TBKBP1: variants seen among roughly 807,000 people sequenced by gnomAD.
TBKBP1 encodes the protein TBK1 binding protein 1, also known as TANK-binding kinase 1-binding protein 1.
TBKBP1 carries 47 observed loss-of-function variants against 69.9 expected under a neutral mutation model. The ratio of observed to expected loss-of-function variants is 0.67; its 90% confidence interval spans 0.53 to 0.86. The LOEUF (loss-of-function observed/expected upper bound fraction) is 0.86, where lower values mean the gene tolerates loss of function less well. Among genes scored for constraint, TBKBP1 ranks in the 40% least tolerant of loss-of-function variants. The pLI, the probability that TBKBP1 is intolerant of heterozygous loss-of-function variation, is 0.00. For missense variants in TBKBP1, 831 were observed against 858.6 expected, an observed-to-expected ratio of 0.97 and a Z score of 0.40; for synonymous variants, 418 against 390.3, an observed-to-expected ratio of 1.07 and a Z score of -0.84.
intron 7 of TBKBP1, among the ~76,000 whole-genome samples, chr17:47,707,982 G>T (rs527392012): frequency 2.0e-5 from 3 of 152,202 alleles, no homozygotes; most frequent in Non-Finnish European, 4.4e-5. Flanking sequence ...TATAAATTCA[G>T]TACAGCTTTT....
chr17:47,704,398 A>T (rs762773367), intron 7 of TBKBP1, among the ~76,000 whole-genome samples: 4 of 152,236 alleles, frequency 2.6e-5, no homozygotes, highest in Admixed American at 2.6e-4. Flanking sequence ...AGTCCGTTCC[A>T]CGGCCCGGTG....
chr17:47,705,013 G>C (rs572109993), intron 7 of TBKBP1, among the ~76,000 whole-genome samples: 1 of 152,180 alleles, frequency 6.6e-6, no homozygotes, highest in South Asian at 2.1e-4. Flanking sequence ...CCTTGAGCCA[G>C]CCTCTTAATC....
At chr17:47,703,662 A>G (rs1311227978) in intron 7 of TBKBP1, among the ~76,000 whole-genome samples, 1 of 151,810 alleles carries the variant, frequency 6.6e-6, no homozygotes, top group East Asian at 1.9e-4. Flanking sequence ...AACCGAAGCC[A>G]CTAGGCTGCT....
At chr17:47,701,487 G>T (rs2031502373) in intron 7 of TBKBP1, among the ~76,000 whole-genome samples, 1 of 152,172 alleles carries the variant, frequency 6.6e-6, no homozygotes, top group Non-Finnish European at 1.5e-5. Flanking sequence ...GACCAGCAGT[G>T]AATCTCCCTG....
At chr17:47,707,594 A>G (rs1014161920) in intron 7 of TBKBP1, among the ~76,000 whole-genome samples, 1 of 152,216 alleles carries the variant, frequency 6.6e-6, no homozygotes. Flanking sequence ...AGCCTTTGAG[A>G]AGTGCCTGGT....
At chr17:47,705,081 G>C (rs2031651477) in intron 7 of TBKBP1, among the ~76,000 whole-genome samples, 1 of 152,130 alleles carries the variant, frequency 6.6e-6, no homozygotes, top group Non-Finnish European at 1.5e-5. Context: ...CCAGGGAAGG[G>C]GTGGTGATTC....
intron 5 of TBKBP1, 43 bp downstream of exon 5, chr17:47,698,818 C>A (rs2031364371): frequency 1.4e-6 from 2 of 1,477,502 alleles, no homozygotes. Context: ...GTCCCCAACC[C>A]CCATTTCAAC....
intron 7 of TBKBP1, among the ~76,000 whole-genome samples, chr17:47,705,819 G>A (rs546407300): frequency 2.0e-5 from 3 of 152,352 alleles, no homozygotes; most frequent in Non-Finnish European, 2.9e-5. Flanking sequence ...ATCAGGAGGA[G>A]GTCAAGTCAA....
chr17:47,702,148 C>G (rs1328044220), intron 7 of TBKBP1, among the ~76,000 whole-genome samples: 2 of 152,228 alleles, frequency 1.3e-5, no homozygotes, highest in Admixed American at 1.3e-4. Context: ...GCTCCCTCCC[C>G]TGTCCTTCCA....
Position 47,708,435 on chromosome 17 carries a change from T to TG in TBKBP1, c.917dup (p.Arg307ProfsTer158), listed in dbSNP as rs1256752676. 1 of 1,613,766 alleles carries TG rather than the reference T, an allele frequency of 6.2e-7. No homozygotes were observed. The highest frequency in any genetic ancestry group is 8.5e-7 in the Non-Finnish European group (1 of 1,179,828). ...GCCTACACCGAGCTGACGGAGGAGC[T>TG]GGGCCGGCTTCGGGAGTTGAGTTCC... On this transcript the variant is annotated frameshift_variant, in exon 8 of 10. Coordinates refer to ENST00000578982, the MANE Select transcript of TBKBP1 (RefSeq NM_001394755.1). LOFTEE classifies it high-confidence loss of function. The surrounding 1 kb of genome is among the most constrained non-coding windows in gnomAD (Gnocchi z 4.4).
At position 47,709,074 on chromosome 17, in the gene TBKBP1, G is replaced by T; in HGVS notation, c.1341G>T (p.Pro447=). 7.4e-7 allele frequency: 1 copy of T among 1,350,840 alleles called. No individual in the cohort carries two copies. Among genetic ancestry groups the T allele is most frequent in the African/African-American group, 1.6e-5 (1 of 64,250 alleles). 83.7% of individuals were successfully genotyped at this position (1,350,840 alleles called of 1,614,324 possible). A position where few individuals can be genotyped will look rare whatever the true frequency, so the allele number is the denominator to read the frequency against. ...TGGCCGAGCGCGCCTACGCCAAGCC[G>T]CCCAGCCACCACGTGAAGGCCGGCT... ...RTLAERAYAK[P]PSHHVKAGFQ... Residue 447 remains proline, a synonymous_variant, in exon 9 of 10, where the codon CCG becomes CCT. Transcript: ENST00000578982.
At chr17:47,703,549 G>A (rs946402462) in intron 7 of TBKBP1, among the ~76,000 whole-genome samples, 1 of 152,220 alleles carries the variant, frequency 6.6e-6, no homozygotes, top group African/African-American at 2.4e-5. Flanking sequence ...GGGATGTGTG[G>A]GCTTTCAGCC....
rs1197297608 is a variant in TBKBP1 at position 47,697,200 on chromosome 17, C to T, written c.453+7C>T. 8.7e-6 allele frequency: 14 copies of T among 1,609,916 alleles called. No individual in the cohort carries two copies. In the East Asian group the frequency reaches 2.5e-4, roughly 28 times the overall value. ...GACAGAGCTGAGGGAGATGGTGAGG[C>T]CTGGGGAGCCGGAGGTGCTTGAGGA... On this transcript the variant is annotated splice_region_variant and intron_variant, in intron 4 of 9. Transcript: ENST00000578982.
At chr17:47,695,861 G>A (rs955480938) in intron 1 of TBKBP1, 1 of 426,278 alleles carries the variant, frequency 2.3e-6, no homozygotes, top group Non-Finnish European at 4.2e-6. Context: ...CCCTGGCAGC[G>A]GGGTCTTCAC....
chr17:47,698,815 A>G (rs763347806), intron 5 of TBKBP1, 40 bp downstream of exon 5: 31 of 1,485,218 alleles, frequency 2.1e-5, no homozygotes, highest in Non-Finnish European at 2.8e-5. Context: ...CTAGTCCCCA[A>G]CCCCCATTTC....
rs770948774 is a variant in TBKBP1 at position 47,710,635 on chromosome 17, C to A, written c.*9C>A. ...AGAACAGCAAGATCTAGGGCACCAG[C>A]CCCACCCACTGGCTGTTTCTCCGTC... On this transcript the variant is annotated 3_prime_UTR_variant, in exon 10 of 10. Coordinates refer to ENST00000578982, the MANE Select transcript of TBKBP1 (RefSeq NM_001394755.1). 6.3e-7 allele frequency: 1 copy of A among 1,591,848 alleles called. No homozygotes were observed. Among genetic ancestry groups the A allele is most frequent in the Non-Finnish European group, 8.6e-7 (1 of 1,162,038 alleles).
intron 9 of TBKBP1, 125 bp from the exon 10 acceptor site, chr17:47,710,373 G>C: frequency 7.7e-7 from 1 of 1,302,078 alleles, no homozygotes; most frequent in Non-Finnish European, 1.0e-6. Context: ...CTGAAGAAAG[G>C]GTGGCTGGAC....
intron 3 of TBKBP1, 41 bp from the exon 4 acceptor site, chr17:47,697,048 T>C: frequency 6.3e-7 from 1 of 1,578,998 alleles, no homozygotes; most frequent in African/African-American, 1.3e-5. Context: ...AAGTCCAGTG[T>C]GGGACTGACC....
chr17:47,708,216 G>T lies in TBKBP1; in HGVS notation c.873-178G>T, dbSNP rs1027802396. Among the ~76,000 whole-genome samples the T allele has an allele frequency of 2.0e-5, 3 of 152,208 alleles. No individual in the cohort carries two copies. The highest frequency in any genetic ancestry group is 7.2e-5 in the African/African-American group (3 of 41,440). ...TGCAGAGGGAGTCTCCCTGGAAGAG[G>T]TGGCTTTTGAGCTGGACCTTAAAGG... is the stretch of plus-strand genomic sequence containing the variant. On this transcript the variant is annotated intron_variant, in intron 7 of 9. Coordinates refer to ENST00000578982, the MANE Select transcript of TBKBP1 (RefSeq NM_001394755.1). This position sits in a 1 kb window ranked among gnomAD's most constrained non-coding sequence, Gnocchi z 4.4.
Sources: gnomAD v4.1 joint callset for allele counts (sites outside exome capture counted in the v4.1 genomes callset) on GRCh38, gnomAD v4.1.1 for gene constraint, Gnocchi (gnomAD v3.1) non-coding constraint, MANE v1.5 for transcripts, NCBI Gene and HGNC (gene_info 2026-07-23, HGNC 2026-07-21) for gene names.